Variants in CORO2A observed in about 807,000 individuals in gnomAD.
The protein encoded by CORO2A is coronin-2A.
Under a neutral mutation model 62.4 loss-of-function variants are expected in CORO2A, and 47 were observed. The observed-to-expected ratio is 0.75, with a 90% CI of 0.60 to 0.96. The LOEUF (loss-of-function observed/expected upper bound fraction) is 0.96, where lower values mean the gene tolerates loss of function less well. Among genes scored for constraint, CORO2A ranks in the 40% least tolerant of loss-of-function variants. The pLI is 0.00. For missense variants in CORO2A, 610 were observed against 684.1 expected, an observed-to-expected ratio of 0.89 and a Z score of 1.21; for synonymous variants, 273 against 268.9, an observed-to-expected ratio of 1.02 and a Z score of -0.15.
intron 6 of CORO2A, 104 bp from the exon 7 acceptor site, chr9:98,131,163 T>A (rs1827402882): frequency 1.4e-6 from 1 of 710,694 alleles, no homozygotes; most frequent in East Asian, 2.8e-5. Context: ...GGCGAGAGTG[T>A]GTGTGTCAGA....
chr9:98,165,241 G>T (rs75670920), intron 1 of CORO2A, among the ~76,000 whole-genome samples: 9,128 of 152,288 alleles, frequency 0.06, 352 homozygotes, highest in East Asian at 0.2. Context: ...TGACAGGCGT[G>T]AGCCACCGTG....
At chr9:98,166,819 C>A (rs1231278063) in intron 1 of CORO2A, among the ~76,000 whole-genome samples, 1 of 152,012 alleles carries the variant, frequency 6.6e-6, no homozygotes, top group East Asian at 1.9e-4. Flanking sequence ...ATATTCAAAC[C>A]ATGGAATAAT....
intron 1 of CORO2A, among the ~76,000 whole-genome samples, chr9:98,159,558 C>G (rs1489635437): frequency 6.6e-6 from 1 of 151,508 alleles, no homozygotes; most frequent in African/African-American, 2.4e-5. Flanking sequence ...TCTCCTTCTG[C>G]TTGGCTTGCC....
intron 1 of CORO2A, among the ~76,000 whole-genome samples, chr9:98,171,613 C>T (rs1828036451): frequency 6.6e-6 from 1 of 152,078 alleles, no homozygotes; most frequent in Non-Finnish European, 1.5e-5. Flanking sequence ...AGGGAGGGCC[C>T]CCGGGAGGAT....
rs149688342 is a variant in CORO2A at position 98,183,076 on chromosome 9, T to A, written c.-1+9483A>T. ...TGAGGCCTAGCATTCACCCTGGATC[T>A]CCAGAGCTTCACGGAATTTGAAGGC... On this transcript the variant is annotated intron_variant, in intron 1 of 11. Transcript: ENST00000375077. Among the ~76,000 whole-genome samples, 866 of 152,332 alleles carry A rather than the reference T, an allele frequency of 5.7e-3. 7 individuals are homozygous for A. The highest frequency in any genetic ancestry group is 0.02 in the African/African-American group (819 of 41,576).
At chr9:98,150,341 A>T (rs1042326973) in intron 2 of CORO2A, among the ~76,000 whole-genome samples, 2 of 151,332 alleles carry the variant, frequency 1.3e-5, no homozygotes, top group East Asian at 1.9e-4. Context: ...CCCCAATCTG[A>T]CCTCACCTCC....
At position 98,126,609 on chromosome 9, in the gene CORO2A, T is replaced by G. The variant is rs112540774; in HGVS notation, c.1386A>C (p.Lys462Asn). The change falls in exon 11 of 12, where the codon AAA (lysine) becomes AAC (asparagine). Residue 462 changes from lysine to asparagine, a missense_variant. Lys to Asn is a moderately conservative substitution (Grantham distance 94, BLOSUM62 0). Transcript: ENST00000375077. ...CGTCAAAGCCATTTGTCAGCCAGGT[T>G]TTCTTCTCCTCCAGCCTGTGTTCTG... ...WAAEHRLEEK[K>N]TWLTNGFDVF... The G allele has an allele frequency of 2.0e-5, 32 of 1,614,164 alleles. No individual in the cohort carries two copies. The African/African-American group carries it at 3.5e-4, about 17-fold the overall frequency.
At chr9:98,188,635 G>A (rs1266837979) in intron 1 of CORO2A, among the ~76,000 whole-genome samples, 4 of 152,060 alleles carry the variant, frequency 2.6e-5, no homozygotes, top group African/African-American at 7.2e-5. Flanking sequence ...GTGGTGGCAC[G>A]CACCTGTAAT....
In CORO2A at chr9:98,133,190, C is replaced by T. The variant is rs756890221; in HGVS notation, c.496G>A (p.Glu166Lys). The part of the protein sequence containing the change: ...KVMIWNLDTK[E>K]SVITSPMSTI... The stretch of plus-strand genomic sequence containing the variant: ...CTCATGGGGCTTGTGATGACAGACT[C>T]CTTTGTATCCAGGTTCCAGATCATC... The change falls in exon 5 of 12, where the codon GAG becomes AAG. Residue 166 changes from glutamate (E) to lysine (K), a missense_variant. Coordinates refer to ENST00000375077, the MANE Select transcript of CORO2A (RefSeq NM_052820.4). 6 of 1,614,124 alleles carry T rather than the reference C, an allele frequency of 3.7e-6. No homozygotes were observed. The African/African-American group carries it at 8.0e-5, about 22-fold the overall frequency.
chr9:98,180,900 G>T (rs1465681969), intron 1 of CORO2A, among the ~76,000 whole-genome samples: 2 of 152,218 alleles, frequency 1.3e-5, no homozygotes, highest in Non-Finnish European at 2.9e-5. Flanking sequence ...TTTGCTGAAA[G>T]ACCAGCTCCA....
Position 98,185,130 on chromosome 9 carries a change from C to T in CORO2A, c.-1+7429G>A, listed in dbSNP as rs146349283. ...TCCAAATCACACTAACAACCCAGCT[C>T]AGGCATCAGCTCCTCTAGGGAGCCT... On this transcript the variant is annotated intron_variant, in intron 1 of 11. Coordinates refer to ENST00000375077, the MANE Select transcript of CORO2A (RefSeq NM_052820.4). Among the ~76,000 whole-genome samples the T allele has an allele frequency of 1.9e-3, 293 of 152,288 alleles. 1 individual carries two copies. Among genetic ancestry groups the T allele is most frequent in the African/African-American group, 6.8e-3 (283 of 41,560 alleles).
intron 2 of CORO2A, among the ~76,000 whole-genome samples, chr9:98,148,842 C>G (rs2118853315): frequency 6.6e-6 from 1 of 152,106 alleles, no homozygotes; most frequent in African/African-American, 2.4e-5. Flanking sequence ...ATATATGCAA[C>G]AACCCAGCTG....
Position 98,124,862 on chromosome 9 carries a change from A to G in CORO2A, c.1490T>C (p.Leu497Pro). 6.3e-7 allele frequency: 1 copy of G among 1,589,878 alleles called. No individual in the cohort carries two copies. Among genetic ancestry groups the G allele is most frequent in the South Asian group, 1.1e-5 (1 of 88,192 alleles). ...FYRQQEEIRRLRELLTQREVQ... is the reference protein window; with the variant it reads ...FYRQQEEIRRPRELLTQREVQ... ...CTCTCGCTGGGTCAACAGCTCCCGG[A>G]GCCTTCGGATCTCCTCCTGTTGCCG... Residue 497 changes from leucine (L) to proline (P), a missense_variant, in exon 12 of 12, where the codon CTC becomes CCC. By Grantham distance (98) the Leu-to-Pro change is moderately conservative. Transcript: ENST00000375077.
intron 4 of CORO2A, 44 bp from the exon 5 acceptor site, chr9:98,133,261 C>T (rs761155115): frequency 1.1e-5 from 17 of 1,590,852 alleles, no homozygotes; most frequent in South Asian, 8.9e-5. Context: ...GCCACCTTGC[C>T]CCTGGGCCTC....
chr9:98,167,603 A>C (rs2118901527), intron 1 of CORO2A, among the ~76,000 whole-genome samples: 1 of 152,372 alleles, frequency 6.6e-6, no homozygotes, highest in South Asian at 2.1e-4. Context: ...CAAGAAGTGC[A>C]ATGTGTGGAT....
intron 2 of CORO2A, among the ~76,000 whole-genome samples, chr9:98,139,452 A>G (rs1339739943): frequency 1.3e-5 from 2 of 151,772 alleles, no homozygotes; most frequent in South Asian, 2.1e-4. Flanking sequence ...ATATGGTGAA[A>G]CCCCACCTCT....
intron 1 of CORO2A, among the ~76,000 whole-genome samples, chr9:98,180,825 C>A (rs1435717575): frequency 1.3e-5 from 2 of 152,050 alleles, no homozygotes; most frequent in Non-Finnish European, 2.9e-5. Context: ...AACCAGAGAC[C>A]CCTCTCCAGG....
At chr9:98,167,715 A>G (rs963690049) in intron 1 of CORO2A, among the ~76,000 whole-genome samples, 3 of 152,236 alleles carry the variant, frequency 2.0e-5, no homozygotes, top group Admixed American at 1.3e-4. Context: ...AATTGTTGTC[A>G]TTAGGTGTGG....
intron 1 of CORO2A, among the ~76,000 whole-genome samples, chr9:98,184,033 T>C (rs1209977784): frequency 6.6e-6 from 1 of 152,196 alleles, no homozygotes; most frequent in Non-Finnish European, 1.5e-5. Flanking sequence ...AAGTGATCTA[T>C]AGATGACTTA....
Sources: allele counts gnomAD v4.1 joint callset (sites outside exome capture counted in the v4.1 genomes callset), GRCh38; gene constraint gnomAD v4.1.1; transcripts MANE v1.5; gene names NCBI Gene and HGNC (gene_info 2026-07-23, HGNC 2026-07-21).